Variants in PPP2R2B observed in about 807,000 individuals in gnomAD.
The protein encoded by PPP2R2B is serine/threonine-protein phosphatase 2A 55 kDa regulatory subunit B beta isoform.
PPP2R2B carries 5 observed loss-of-function variants against 46.0 expected under a neutral mutation model. The ratio of observed to expected loss-of-function variants is 0.11; its 90% CI spans 0.06 to 0.23. The LOEUF (loss-of-function observed/expected upper bound fraction) is 0.23. Among genes scored for constraint, PPP2R2B ranks in the 10% least tolerant of loss-of-function variants. The pLI is 1.00. For missense variants in PPP2R2B, 367 were observed against 575.0 expected, an observed-to-expected ratio of 0.64 and a Z score of 3.70; for synonymous variants, 215 against 206.7, an observed-to-expected ratio of 1.04 and a Z score of -0.34.
chr5:146,799,946 A>G lies in PPP2R2B; in HGVS notation c.70+78056T>C, dbSNP rs1037470387. On this transcript the variant is annotated intron_variant, in intron 2 of 9. Coordinates refer to ENST00000394411, the MANE Select transcript of PPP2R2B (RefSeq NM_181675.4). Reference sequence around the variant, plus strand: ...TGTCTCCATGGTACTTCTCATTAGCATCAGAAGAGGGATTGCAGGGAAACA... The same window carrying G: ...TGTCTCCATGGTACTTCTCATTAGCGTCAGAAGAGGGATTGCAGGGAAACA... 2.0e-5 allele frequency among the ~76,000 whole-genome samples: 3 copies of G among 152,176 alleles called. No homozygotes were observed. The East Asian group carries it at 5.8e-4, about 29-fold the overall frequency.
intron 1 of PPP2R2B, among the ~76,000 whole-genome samples, chr5:146,993,064 T>C (rs767495180): frequency 7.2e-5 from 11 of 151,876 alleles, no homozygotes; most frequent in Non-Finnish European, 1.2e-4. Flanking sequence ...TGCCTCAGTC[T>C]CCTGAGTAGC....
chr5:147,041,491 C>T (rs1340379051), intron 1 of PPP2R2B, among the ~76,000 whole-genome samples: 2 of 152,094 alleles, frequency 1.3e-5, no homozygotes, highest in Non-Finnish European at 2.9e-5. Context: ...GTGCTAAGTC[C>T]AGAGTTTCCA....
At chr5:146,915,745 A>G (rs1763363457) in intron 1 of PPP2R2B, among the ~76,000 whole-genome samples, 1 of 152,150 alleles carries the variant, frequency 6.6e-6, no homozygotes, top group Non-Finnish European at 1.5e-5. Context: ...CTGAGCCACT[A>G]CAACAAAAAT....
chr5:146,686,559 C>T (rs1170508473), intron 5 of PPP2R2B, among the ~76,000 whole-genome samples: 1 of 152,006 alleles, frequency 6.6e-6, no homozygotes, highest in Non-Finnish European at 1.5e-5. Context: ...TAGATGGTTG[C>T]TATAATTATT....
At chr5:146,865,389 C>T (rs1467015894) in intron 2 of PPP2R2B, among the ~76,000 whole-genome samples, 2 of 151,916 alleles carry the variant, frequency 1.3e-5, no homozygotes, top group African/African-American at 4.8e-5. Flanking sequence ...TCTGGCACAG[C>T]TAGAAGTAAA....
At chr5:146,671,818 T>A (rs1777396661) in intron 5 of PPP2R2B, among the ~76,000 whole-genome samples, 1 of 152,350 alleles carries the variant, frequency 6.6e-6, no homozygotes, top group Admixed American at 6.5e-5. Flanking sequence ...CATTTGCTTA[T>A]CCTGGTGTGA....
upstream of PPP2R2B, among the ~76,000 whole-genome samples, chr5:146,879,751 T>C (rs1762102346): frequency 2.0e-5 from 3 of 152,196 alleles, no homozygotes; most frequent in South Asian, 4.1e-4. Flanking sequence ...AAACATTTAA[T>C]GAAGCAACCC....
upstream of PPP2R2B, among the ~76,000 whole-genome samples, chr5:146,880,094 T>C (rs1762113828): frequency 6.6e-6 from 1 of 152,024 alleles, no homozygotes; most frequent in South Asian, 2.1e-4. Flanking sequence ...TTCTGGTAGA[T>C]AGAAAATGAC....
Position 146,584,318 on chromosome 5 carries a change from A to G in PPP2R2B, c.*5629T>C, listed in dbSNP as rs1466673886. ...AATCAGTCATAATAAGGTCAAAGTC[A>G]GAAGTTGGAGACCTGTGAGCCACTT... On this transcript the variant is annotated 3_prime_UTR_variant, in exon 10 of 10. Transcript: ENST00000394411. 6.6e-6 allele frequency: 1 copy of G among 152,246 alleles called. No homozygotes were observed. Among genetic ancestry groups the G allele is most frequent in the Non-Finnish European group, 1.5e-5 (1 of 68,030 alleles). 9.4% of individuals were successfully genotyped at this position (152,246 alleles called of 1,614,324 possible). A position where few individuals can be genotyped will look rare whatever the true frequency, so the allele number is the denominator to read the frequency against.
intron 2 of PPP2R2B, among the ~76,000 whole-genome samples, chr5:146,724,043 A>C (rs753144561): frequency 3.9e-5 from 6 of 152,186 alleles, no homozygotes; most frequent in Non-Finnish European, 8.8e-5. Context: ...GCCTGGTACA[A>C]TGGTAGATTC....
At chr5:146,944,147 G>C (rs1582472457) in intron 1 of PPP2R2B, among the ~76,000 whole-genome samples, 1 of 152,138 alleles carries the variant, frequency 6.6e-6, no homozygotes, top group African/African-American at 2.4e-5. Flanking sequence ...ACTACAAGTA[G>C]TTCCATAATG....
In PPP2R2B at chr5:146,928,280, A is replaced by T. The variant is rs180952777; in HGVS notation, c.79+127385T>A. On this transcript the variant is annotated intron_variant, in intron 1 of 8. Transcript: ENST00000336640. Reference sequence around the variant, plus strand: ...TGGCCCTTTTTAGGTTTATATATATATTTTTTTAGATCAGATCTCTCCCCC... The same window carrying T: ...TGGCCCTTTTTAGGTTTATATATATTTTTTTTTAGATCAGATCTCTCCCCC... Among the ~76,000 whole-genome samples the T allele has an allele frequency of 4.4e-4, 67 of 151,768 alleles. No individual in the cohort carries two copies. The East Asian group carries it at 0.01, about 23-fold the overall frequency.
At chr5:146,980,224 A>G (rs1367416958) in intron 1 of PPP2R2B, among the ~76,000 whole-genome samples, 3 of 152,154 alleles carry the variant, frequency 2.0e-5, no homozygotes, top group African/African-American at 7.2e-5. Context: ...TAGACTTTCC[A>G]CATCTCCCAA....
exon 1 of PPP2R2B, chr5:147,055,760 A>T (rs892261341): frequency 6.3e-7 from 1 of 1,598,726 alleles, no homozygotes; most frequent in Admixed American, 1.7e-5. Context: ...AATAAAAAAT[A>T]AAAATCTAAA....
chr5:146,691,440 T>C (rs951481755), intron 4 of PPP2R2B, among the ~76,000 whole-genome samples, 200 bp from the exon 5 acceptor site: 1 of 152,190 alleles, frequency 6.6e-6, no homozygotes, highest in Non-Finnish European at 1.5e-5. Flanking sequence ...ACATACATTA[T>C]GCTGGGACAA....
Position 146,584,196 on chromosome 5 carries a change from A to C in PPP2R2B, c.*5751T>G, listed in dbSNP as rs1258380915. 6.6e-6 allele frequency: 1 copy of C among 152,292 alleles called. No individual in the cohort carries two copies. Among genetic ancestry groups the C allele is most frequent in the African/African-American group, 2.4e-5 (1 of 41,460 alleles). 9.4% of individuals were successfully genotyped at this position (152,292 alleles called of 1,614,324 possible). A position where few individuals can be genotyped will look rare whatever the true frequency, so the allele number is the denominator to read the frequency against. Reference sequence around the variant, plus strand: ...TGACAGTGATCATTGCTTTGATTGCAGCTGAGGCAGGGATCAGCGGAGATG... The same window carrying C: ...TGACAGTGATCATTGCTTTGATTGCCGCTGAGGCAGGGATCAGCGGAGATG... On this transcript the variant is annotated 3_prime_UTR_variant, in exon 10 of 10. Coordinates refer to ENST00000394411, the MANE Select transcript of PPP2R2B (RefSeq NM_181675.4).
chr5:146,907,458 G>A (rs1763037969), intron 1 of PPP2R2B, among the ~76,000 whole-genome samples: 1 of 141,350 alleles, frequency 7.1e-6, no homozygotes, highest in African/African-American at 2.8e-5. Flanking sequence ...GTACCCAGGA[G>A]CCAAAGAAAG....
At chr5:147,069,279 C>A (rs1757503767) in intron 2 of PPP2R2B, among the ~76,000 whole-genome samples, 1 of 152,044 alleles carries the variant, frequency 6.6e-6, no homozygotes, top group Non-Finnish European at 1.5e-5. Flanking sequence ...GAAAACAAAA[C>A]AAAAAGAGTT....
At chr5:146,643,159 C>T (rs966799835) in intron 6 of PPP2R2B, among the ~76,000 whole-genome samples, 1 of 151,746 alleles carries the variant, frequency 6.6e-6, no homozygotes, top group African/African-American at 2.4e-5. Context: ...ACCAAGACCA[C>T]GTAAAAGATA....
Sources: allele counts gnomAD v4.1 joint callset (sites outside exome capture counted in the v4.1 genomes callset), GRCh38; gene constraint gnomAD v4.1.1; transcripts MANE v1.5; gene names NCBI Gene and HGNC (gene_info 2026-07-23, HGNC 2026-07-21).